The following KIAA1549 variants were observed in gnomAD, a reference collection of about 807,000 sequenced individuals.
KIAA1549 encodes the protein KIAA1549, also known as UPF0606 protein KIAA1549.
In KIAA1549, 70 loss-of-function variants were observed where a neutral mutation model predicts 156.4. That is an observed-to-expected ratio of 0.45 (90% CI 0.37 to 0.55). The LOEUF is 0.55. KIAA1549 is among the 20% of genes least tolerant of loss of function. KIAA1549 has a pLI of 0.00. For synonymous variants in KIAA1549, 1,103 were observed against 1,066.4 expected (o/e 1.03, Z -0.67); for missense variants, 2,428 against 2,540.9 (o/e 0.96, Z 0.96).
In KIAA1549 at chr7:138,837,886, A is replaced by C; in HGVS notation, c.*20T>G. The C allele has an allele frequency of 6.2e-7, 1 of 1,609,660 alleles. No individual in the cohort carries two copies. The highest frequency in any genetic ancestry group is 8.5e-7 in the Non-Finnish European group (1 of 1,178,050). On this transcript the variant is annotated 3_prime_UTR_variant, in exon 20 of 20. Transcript: ENST00000422774. ...TTCCACAGGAAGCGGATACTTGGCA[A>C]ATCTGCGAGGCGAGGCCGATCAGCT...
intron 1 of KIAA1549, among the ~76,000 whole-genome samples, chr7:138,978,306 A>G (rs1031930548): frequency 6.6e-6 from 1 of 152,208 alleles, no homozygotes; most frequent in African/African-American, 2.4e-5. Flanking sequence ...AATCTATTTC[A>G]TAATAACTAT....
intron 1 of KIAA1549, among the ~76,000 whole-genome samples, chr7:138,956,048 C>T (rs1813654229): frequency 6.6e-6 from 1 of 152,146 alleles, no homozygotes; most frequent in Non-Finnish European, 1.5e-5. Flanking sequence ...TGTGCACCAC[C>T]AAGCTCAGCT....
chr7:138,909,874 G>C (rs1282140870), intron 4 of KIAA1549, among the ~76,000 whole-genome samples: 1 of 152,076 alleles, frequency 6.6e-6, no homozygotes, highest in East Asian at 1.9e-4. Context: ...CTGAGCCCGG[G>C]AGGCAAAGGT....
intron 1 of KIAA1549, among the ~76,000 whole-genome samples, chr7:138,937,161 C>T (rs902159886): frequency 4.0e-5 from 6 of 151,560 alleles, no homozygotes; most frequent in African/African-American, 1.5e-4. Flanking sequence ...CCCAGCTATT[C>T]GACGTGCTCT....
intron 17 of KIAA1549, among the ~76,000 whole-genome samples, chr7:138,851,441 TA>T (rs1289899993): frequency 6.6e-6 from 1 of 152,164 alleles, no homozygotes; most frequent in Non-Finnish European, 1.5e-5. Context: ...TAAGCATAAT[TA>T]TTTTAGAATC....
chr7:138,969,806 T>C (rs1204088756), intron 1 of KIAA1549, among the ~76,000 whole-genome samples: 1 of 152,204 alleles, frequency 6.6e-6, no homozygotes, highest in Admixed American at 6.5e-5. Flanking sequence ...TTGGCCAGGC[T>C]TGTCTGGAAC....
intron 1 of KIAA1549, among the ~76,000 whole-genome samples, chr7:138,959,613 C>T (rs1464247233): frequency 1.3e-5 from 2 of 152,106 alleles, no homozygotes; most frequent in Non-Finnish European, 2.9e-5. Flanking sequence ...AATATGTCAG[C>T]GAAGTTTGGT....
Position 138,846,796 on chromosome 7 carries a change from A to G in KIAA1549, c.5295-2322T>C, listed in dbSNP as rs77370304. 1.9e-3 allele frequency among the ~76,000 whole-genome samples: 293 copies of G among 152,320 alleles called. 1 individual carries two copies. Among genetic ancestry groups the G allele is most frequent in the Middle Eastern group, 3.4e-3 (1 of 294 alleles). ...ATAATAGTCTGCTACAGTTCTTTGC[A>G]AATGACACTGAACCACTAATTCACA... On this transcript the variant is annotated intron_variant, in intron 17 of 19. Coordinates refer to ENST00000422774, the MANE Select transcript of KIAA1549 (RefSeq NM_001164665.2).
rs746345110 is a variant in KIAA1549, at chr7:138,836,406, A to C, written c.*1500T>G. 53 of 214,686 alleles carry C rather than the reference A, an allele frequency of 2.5e-4. No homozygotes were observed. The highest frequency in any genetic ancestry group is 1.5e-3 in the Middle Eastern group (1 of 686). 13.3% of individuals were successfully genotyped at this position (214,686 alleles called of 1,614,324 possible). ...TAGGCTATACCATGTAGGTTGTGTA[A>C]GTACAATCTAGGATGTTGGCACAGC... On this transcript the variant is annotated 3_prime_UTR_variant, in exon 20 of 20. Coordinates refer to ENST00000422774, the MANE Select transcript of KIAA1549 (RefSeq NM_001164665.2).
At chr7:138,953,484 G>A (rs901201797) in intron 1 of KIAA1549, among the ~76,000 whole-genome samples, 1 of 151,870 alleles carries the variant, frequency 6.6e-6, no homozygotes. Flanking sequence ...TTTAAGAAGG[G>A]TCATCCCTCC....
At chr7:138,912,312 G>A (rs1563074236) in intron 3 of KIAA1549, 60 bp downstream of exon 3, 2 of 1,226,226 alleles carry the variant, frequency 1.6e-6, no homozygotes, top group South Asian at 1.2e-5. Flanking sequence ...CTCTAACCTG[G>A]GGCTCTCACA....
intron 1 of KIAA1549, among the ~76,000 whole-genome samples, chr7:138,947,458 G>T (rs1401383280): frequency 7.2e-5 from 11 of 152,054 alleles, no homozygotes; most frequent in Admixed American, 5.9e-4. Context: ...AGCCCAGGGG[G>T]TAGTCTCACA....
At chr7:138,955,270 C>A (rs1028905274) in intron 1 of KIAA1549, among the ~76,000 whole-genome samples, 4 of 152,146 alleles carry the variant, frequency 2.6e-5, no homozygotes, top group African/African-American at 7.2e-5. Flanking sequence ...AATAAACAAA[C>A]GGTGGCACAT....
chr7:138,930,554 C>G (rs1812840467), intron 1 of KIAA1549, among the ~76,000 whole-genome samples: 1 of 152,240 alleles, frequency 6.6e-6, no homozygotes, highest in Non-Finnish European at 1.5e-5. Context: ...CCTTGTACTT[C>G]TATGTACGGA....
chr7:138,939,991 A>T lies in KIAA1549; in HGVS notation c.188-20553T>A, dbSNP rs189599600. ...GCAAGACCCCATTTCTACAAAAAAA[A>T]TTTTTTTTTTAATTTTAATTTAAAA... is the stretch of plus-strand genomic sequence containing the variant. On this transcript the variant is annotated intron_variant, in intron 1 of 19. Coordinates refer to ENST00000422774, the MANE Select transcript of KIAA1549 (RefSeq NM_001164665.2). 1.2e-3 allele frequency among the ~76,000 whole-genome samples: 183 copies of T among 151,372 alleles called. 8 individuals are homozygous for T. In the East Asian group the frequency reaches 0.019, roughly 16 times the overall value.
intron 17 of KIAA1549, among the ~76,000 whole-genome samples, 169 bp from the exon 18 acceptor site, chr7:138,844,643 A>T (rs1006835629): frequency 6.6e-6 from 1 of 152,046 alleles, no homozygotes. Context: ...GAGGGAAGGG[A>T]CTTTTCTATT....
At chr7:138,946,555 A>G (rs919840523) in intron 1 of KIAA1549, among the ~76,000 whole-genome samples, 41 of 152,188 alleles carry the variant, frequency 2.7e-4, no homozygotes, top group Non-Finnish European at 4.4e-4. Context: ...TGAGGCGGGC[A>G]GATCACTTGA....
At chr7:138,919,726 A>G (rs1230369540) in intron 1 of KIAA1549, among the ~76,000 whole-genome samples, 13 of 152,082 alleles carry the variant, frequency 8.5e-5, no homozygotes, top group Non-Finnish European at 1.8e-4. Context: ...ACCGTAGGAT[A>G]CTGGAAACAG....
At chr7:138,960,859 T>G (rs17160643) in intron 1 of KIAA1549, among the ~76,000 whole-genome samples, 32,669 of 152,180 alleles carry the variant, frequency 0.21, 4,129 homozygotes, top group African/African-American at 0.34. Context: ...GAGATCAAAC[T>G]ATTATGAAGC....
Sources: allele counts gnomAD v4.1 joint callset (sites outside exome capture counted in the v4.1 genomes callset), GRCh38; gene constraint gnomAD v4.1.1; transcripts MANE v1.5; gene names NCBI Gene and HGNC (gene_info 2026-07-23, HGNC 2026-07-21).